CNBD1: variants seen among roughly 807,000 people sequenced by gnomAD.
CNBD1 encodes cyclic nucleotide-binding domain-containing protein 1.
In CNBD1, 71 loss-of-function variants were observed where a neutral mutation model predicts 54.4. The ratio of observed to expected loss-of-function variants is 1.30; its 90% CI spans 1.08 to 1.59. The LOEUF is 1.59. CNBD1 is among the 40% of genes most tolerant of loss of function. CNBD1 has a pLI of 0.00. For missense variants in CNBD1, 659 were observed against 518.0 expected, an observed-to-expected ratio of 1.27 and a Z score of -2.64; for synonymous variants, 182 against 170.7, an observed-to-expected ratio of 1.07 and a Z score of -0.51.
chr8:87,302,279 G>C (rs1051195721), intron 8 of CNBD1, among the ~76,000 whole-genome samples: 3 of 152,156 alleles, frequency 2.0e-5, no homozygotes, highest in African/African-American at 7.2e-5. Flanking sequence ...ACATCAAAAA[G>C]CTTATCCAAC....
intron 5 of CNBD1, among the ~76,000 whole-genome samples, chr8:87,229,078 C>G (rs59244874): frequency 0.075 from 11,431 of 152,282 alleles, 1,339 homozygotes; most frequent in African/African-American, 0.24. Flanking sequence ...TGTGCTTCCT[C>G]AGTGAGGCAA....
chr8:87,370,698 G>C (rs2130947547), intron 10 of CNBD1, among the ~76,000 whole-genome samples: 1 of 150,536 alleles, frequency 6.6e-6, no homozygotes, highest in Admixed American at 6.6e-5. Flanking sequence ...TCTGATGGTA[G>C]TTTCTTTTGC....
chr8:87,176,364 A>T (rs919632), intron 4 of CNBD1, among the ~76,000 whole-genome samples: 33,383 of 152,160 alleles, frequency 0.22, 3,738 homozygotes, highest in Non-Finnish European at 0.25. Context: ...GGCTTAATTA[A>T]ATCATATTTG....
At chr8:87,111,709 C>T (rs1183603672) in intron 4 of CNBD1, among the ~76,000 whole-genome samples, 1 of 152,094 alleles carries the variant, frequency 6.6e-6, no homozygotes, top group East Asian at 1.9e-4. Flanking sequence ...TACTCTCGTT[C>T]AGTGCTCATG....
In CNBD1 at chr8:87,236,904, C is replaced by T. The variant is rs750314719; in HGVS notation, c.578-15C>T. 7.7e-6 allele frequency: 12 copies of T among 1,567,884 alleles called. No homozygotes were observed. Among genetic ancestry groups the T allele is most frequent in the African/African-American group, 1.4e-5 (1 of 72,994 alleles). On this transcript the variant is annotated splice_polypyrimidine_tract_variant and intron_variant, in intron 5 of 10. Transcript: ENST00000518476. Reference sequence around the variant, plus strand: ...TGAGCACACAGTATATATTTTTTGGCTTTGTTTTTTTCAGTGGTTGCAAAT... The same window carrying T: ...TGAGCACACAGTATATATTTTTTGGTTTTGTTTTTTTCAGTGGTTGCAAAT...
intron 5 of CNBD1, among the ~76,000 whole-genome samples, chr8:87,228,450 C>T (rs1374452047): frequency 6.7e-6 from 1 of 148,828 alleles, no homozygotes; most frequent in African/African-American, 2.6e-5. Flanking sequence ...TGTTAGTTTT[C>T]CTTCTAACAC....
chr8:87,363,048 C>T (rs1232334900), intron 10 of CNBD1, among the ~76,000 whole-genome samples: 1 of 151,984 alleles, frequency 6.6e-6, no homozygotes, highest in African/African-American at 2.4e-5. Flanking sequence ...GTTCCCCTCC[C>T]TGTGTCCATG....
intron 5 of CNBD1, among the ~76,000 whole-genome samples, chr8:87,233,559 G>A (rs1036518076): frequency 6.6e-6 from 1 of 152,154 alleles, no homozygotes; most frequent in African/African-American, 2.4e-5. Context: ...CTAGTGGAGG[G>A]TCTTGCCTCA....
chr8:87,272,154 T>A (rs1808381069), intron 6 of CNBD1, among the ~76,000 whole-genome samples: 1 of 151,840 alleles, frequency 6.6e-6, no homozygotes, highest in Non-Finnish European at 1.5e-5. Flanking sequence ...TTAGAATAAA[T>A]AAGACCTGGT....
chr8:87,373,547 G>A (rs957662279), intron 10 of CNBD1, among the ~76,000 whole-genome samples: 3 of 151,718 alleles, frequency 2.0e-5, no homozygotes, highest in African/African-American at 7.3e-5. Context: ...TTGTTTTTCA[G>A]CAAGGACTTT....
At chr8:86,991,074 G>T (rs1041161457) in intron 4 of CNBD1, among the ~76,000 whole-genome samples, 23 of 152,024 alleles carry the variant, frequency 1.5e-4, no homozygotes, top group Non-Finnish European at 2.8e-4. Context: ...GATAATTTGG[G>T]TGGTGGTAGT....
At chr8:87,397,002 A>G (rs553969832) in intron 2 of CNBD1, among the ~76,000 whole-genome samples, 1 of 151,058 alleles carries the variant, frequency 6.6e-6, no homozygotes, top group East Asian at 2.0e-4. Flanking sequence ...CCAAACATGT[A>G]TTTTAAAATC....
At chr8:87,225,023 C>T (rs539163328) in intron 5 of CNBD1, among the ~76,000 whole-genome samples, 2 of 152,038 alleles carry the variant, frequency 1.3e-5, no homozygotes, top group Admixed American at 6.6e-5. Context: ...TGGGAGTTCA[C>T]TCGTGATTTG....
chr8:86,900,686 AT>A lies in CNBD1; in HGVS notation c.159-4394del, dbSNP rs1230778147. ...AGTCCTTTTCTAAAGATAAAAAAAA[AT>A]GAAAGGTTTAAATACTTCATATAAG... is the stretch of plus-strand genomic sequence containing the variant. On this transcript the variant is annotated intron_variant, in intron 2 of 10. Coordinates refer to ENST00000518476, the MANE Select transcript of CNBD1 (RefSeq NM_173538.3). 2.6e-5 allele frequency among the ~76,000 whole-genome samples: 4 copies of A among 152,316 alleles called. No homozygotes were observed. The East Asian group carries it at 7.7e-4, about 29-fold the overall frequency.
chr8:87,226,704 A>G (rs1218995101), intron 5 of CNBD1, among the ~76,000 whole-genome samples: 3 of 151,866 alleles, frequency 2.0e-5, no homozygotes, highest in East Asian at 1.9e-4. Context: ...GTGCTGAAAA[A>G]AATGTATATT....
At chr8:87,409,090 G>A (rs1281438546) in intron 2 of CNBD1, among the ~76,000 whole-genome samples, 2 of 152,186 alleles carry the variant, frequency 1.3e-5, no homozygotes, top group Admixed American at 6.5e-5. Flanking sequence ...TAAGCTTAAT[G>A]AGGAAGGCAT....
At chr8:87,080,948 C>T (rs1810977974) in intron 4 of CNBD1, among the ~76,000 whole-genome samples, 1 of 151,402 alleles carries the variant, frequency 6.6e-6, no homozygotes, top group South Asian at 2.1e-4. Flanking sequence ...GTCATTGTGT[C>T]TAAAAGTTTG....
At chr8:87,000,680 A>G (rs1808973049) in intron 4 of CNBD1, among the ~76,000 whole-genome samples, 1 of 152,282 alleles carries the variant, frequency 6.6e-6, no homozygotes, top group Admixed American at 6.5e-5. Context: ...GCATAATTGA[A>G]TAGCATCTTA....
chr8:87,046,652 G>C (rs1224827455), intron 4 of CNBD1, among the ~76,000 whole-genome samples: 1 of 152,084 alleles, frequency 6.6e-6, no homozygotes, highest in African/African-American at 2.4e-5. Context: ...TTCATAAAGA[G>C]GTTCCCCTTA....
Sources: allele counts gnomAD v4.1 joint callset (sites outside exome capture counted in the v4.1 genomes callset), GRCh38; gene constraint gnomAD v4.1.1; transcripts MANE v1.5; gene names NCBI Gene and HGNC (gene_info 2026-07-23, HGNC 2026-07-21).